ANK3: variants seen among roughly 807,000 people sequenced by gnomAD.
ANK3 encodes the protein ankyrin 3.
In ANK3, 57 loss-of-function variants were observed where a neutral mutation model predicts 370.9. The observed-to-expected ratio is 0.15, with a 90% CI of 0.12 to 0.19. The LOEUF (loss-of-function observed/expected upper bound fraction) is 0.19. Ranked by LOEUF, ANK3 falls within the 10% of genes least tolerant of loss-of-function variation. The probability of loss-of-function intolerance (pLI) is 1.00; values close to 1 mark genes in which losing one functional copy is unlikely to be tolerated. For missense variants in ANK3, 4,439 were observed against 5,302.1 expected, an observed-to-expected ratio of 0.84 and a Z score of 5.06; for synonymous variants, 1,929 against 1,946.3, an observed-to-expected ratio of 0.99 and a Z score of 0.23.
At chr10:60,244,808 T>A (rs1230590240) in intron 7 of ANK3, among the ~76,000 whole-genome samples, 1 of 152,236 alleles carries the variant, frequency 6.6e-6, no homozygotes, top group Non-Finnish European at 1.5e-5. Context: ...GGGAAGAGGT[T>A]GCATCTGCTA....
At chr10:60,326,489 T>A (rs1375243832) in intron 1 of ANK3, among the ~76,000 whole-genome samples, 2 of 152,116 alleles carry the variant, frequency 1.3e-5, no homozygotes, top group Non-Finnish European at 2.9e-5. Flanking sequence ...TCATTGCTTT[T>A]TTTTCATACC....
chr10:60,121,098 A>C (rs1209042428), intron 25 of ANK3, among the ~76,000 whole-genome samples: 1 of 152,190 alleles, frequency 6.6e-6, no homozygotes, highest in Non-Finnish European at 1.5e-5. Context: ...AAATACATAC[A>C]CAATGGAGTA....
At chr10:60,294,154 C>T (rs1400695268) in intron 1 of ANK3, among the ~76,000 whole-genome samples, 1 of 151,322 alleles carries the variant, frequency 6.6e-6, no homozygotes, top group Non-Finnish European at 1.5e-5. Context: ...AACATTTTCC[C>T]AACAGTTTTT....
intron 36 of ANK3, among the ~76,000 whole-genome samples, chr10:60,077,039 T>C (rs1373150115): frequency 6.6e-6 from 1 of 152,212 alleles, no homozygotes; most frequent in African/African-American, 2.4e-5. Context: ...GCCTATTTCA[T>C]GCAGAATCCA....
chr10:60,700,152 TG>T (rs370799155), intron 1 of ANK3, among the ~76,000 whole-genome samples: 1 of 152,146 alleles, frequency 6.6e-6, no homozygotes, highest in Admixed American at 6.6e-5. Context: ...GAGAGCATTT[TG>T]CTTCCTAAAG....
chr10:60,390,558 T>C (rs2063006423), upstream of ANK3, among the ~76,000 whole-genome samples: 2 of 152,088 alleles, frequency 1.3e-5, no homozygotes, highest in Non-Finnish European at 2.9e-5. Context: ...GCAGCAGCAG[T>C]GCTCAAGGCC....
At chr10:60,551,837 T>A (rs2077095300) in intron 2 of ANK3, among the ~76,000 whole-genome samples, 1 of 152,198 alleles carries the variant, frequency 6.6e-6, no homozygotes. Flanking sequence ...TTCAGAGTCC[T>A]ACTCTTTTAA....
intron 2 of ANK3, among the ~76,000 whole-genome samples, chr10:60,544,436 A>G (rs1388398222): frequency 6.6e-6 from 1 of 152,126 alleles, no homozygotes; most frequent in Non-Finnish European, 1.5e-5. Flanking sequence ...CCCCTGCTGC[A>G]TTTCTGCTTT....
chr10:60,596,614 T>C (rs1441191946), intron 2 of ANK3, among the ~76,000 whole-genome samples: 1 of 152,168 alleles, frequency 6.6e-6, no homozygotes, highest in Non-Finnish European at 1.5e-5. Context: ...ATGGTCTTAA[T>C]ATAAAGTCAA....
intron 8 of ANK3, among the ~76,000 whole-genome samples, chr10:60,221,747 C>T (rs2097062607): frequency 6.6e-6 from 1 of 152,156 alleles, no homozygotes; most frequent in African/African-American, 2.4e-5. Flanking sequence ...ACAATCAAGG[C>T]ATGTCTTCAG....
At chr10:60,644,529 A>C (rs10761534) in intron 1 of ANK3, among the ~76,000 whole-genome samples, 102,979 of 151,140 alleles carry the variant, frequency 0.68, 35,153 homozygotes, top group South Asian at 0.83. Context: ...AAAAGTACCA[A>C]TTTTTCTATT....
At position 60,198,427 on chromosome 10, in the gene ANK3, G is replaced by T; in HGVS notation, c.1602C>A (p.Thr534=). Residue 534 remains threonine (T), a synonymous_variant, in exon 14 of 44, where the codon ACC becomes ACA. Coordinates refer to ENST00000280772, the MANE Select transcript of ANK3 (RefSeq NM_020987.5). ...CCTCTCGGGCGGAAAGGTGAAGTGG[G>T]GTGTACCCAGAAGTTGTGGCTGCAT... ...SPNAATTSGY[T]PLHLSAREGH... The T allele has an allele frequency of 1.2e-6, 2 of 1,614,222 alleles. No individual in the cohort carries two copies. The highest frequency in any genetic ancestry group is 1.7e-6 in the Non-Finnish European group (2 of 1,180,038).
chr10:60,262,315 G>A (rs2097819558), intron 6 of ANK3, among the ~76,000 whole-genome samples: 1 of 152,156 alleles, frequency 6.6e-6, no homozygotes, highest in African/African-American at 2.4e-5. Context: ...ATAGAATTGT[G>A]CATTGAAACT....
At chr10:60,534,906 A>T (rs949558829) in intron 2 of ANK3, among the ~76,000 whole-genome samples, 23 of 152,158 alleles carry the variant, frequency 1.5e-4, no homozygotes, top group Non-Finnish European at 5.9e-5. Context: ...CAAGAAACAA[A>T]CTCAAAACAA....
intron 4 of ANK3, among the ~76,000 whole-genome samples, chr10:60,275,873 A>T (rs2132692691): frequency 6.6e-6 from 1 of 152,292 alleles, no homozygotes; most frequent in South Asian, 2.1e-4. Context: ...AGAGTGGGGG[A>T]TGTCATTTGA....
At chr10:60,053,072 G>A (rs2078409761) in intron 42 of ANK3, among the ~76,000 whole-genome samples, 1 of 152,086 alleles carries the variant, frequency 6.6e-6, no homozygotes, top group African/African-American at 2.4e-5. Flanking sequence ...ATCCTTACAA[G>A]GAGTAAGAAC....
rs796726733 is a variant in ANK3, at chr10:60,640,041, C to CA, written c.58-24818dup. Among the ~76,000 whole-genome samples, 330 of 150,700 alleles carry CA rather than the reference C, an allele frequency of 2.2e-3. 1 individual carries two copies. The highest frequency in any genetic ancestry group is 7.4e-3 in the African/African-American group (304 of 41,120). On this transcript the variant is annotated intron_variant, in intron 1 of 43. Coordinates refer to the ANK3 transcript ENST00000373827. ...TAGATCATACAAATACTAACAAAGA[C>CA]AAAAAAAAGCCAAAAAGGCTAAATT...
chr10:60,140,843 C>T (rs1392754705), intron 23 of ANK3: 2 of 991,710 alleles, frequency 2.0e-6, no homozygotes, highest in Non-Finnish European at 2.4e-6. Flanking sequence ...CCAAGACAGC[C>T]TTCATGTAGG....
intron 18 of ANK3, among the ~76,000 whole-genome samples, chr10:60,181,071 G>A (rs1039068967): frequency 6.6e-6 from 1 of 152,290 alleles, no homozygotes; most frequent in Middle Eastern, 3.4e-3. Flanking sequence ...CACATTTGTT[G>A]TAAGGAGGCT....
Sources: allele counts gnomAD v4.1 joint callset (sites outside exome capture counted in the v4.1 genomes callset), GRCh38; gene constraint gnomAD v4.1.1; transcripts MANE v1.5; gene names NCBI Gene and HGNC (gene_info 2026-07-23, HGNC 2026-07-21).